AP3B1: variants seen among roughly 807,000 people sequenced by gnomAD.
AP3B1 encodes the protein adaptor related protein complex 3 subunit beta 1, also known as AP-3 complex subunit beta-1.
In AP3B1, 61 loss-of-function variants were observed where a neutral mutation model predicts 132.5. That is an observed-to-expected ratio of 0.46 (90% CI 0.37 to 0.57). AP3B1 has a LOEUF of 0.57. Among genes scored for constraint, AP3B1 ranks in the 20% least tolerant of loss-of-function variants. The pLI is 0.00. For synonymous variants in AP3B1, 388 were observed against 438.3 expected (o/e 0.89, Z 1.43); for missense variants, 1,120 against 1,289.4 (o/e 0.87, Z 2.01).
chr5:78,002,757 T>C lies in AP3B1; in HGVS notation c.*145A>G, dbSNP rs992209236. On this transcript the variant is annotated 3_prime_UTR_variant, in exon 27 of 27. Coordinates refer to ENST00000255194, the MANE Select transcript of AP3B1 (RefSeq NM_003664.5). ...CATACATGATAGATACACACTAGCA[T>C]TCTAAAGCAGGAGACAAGAATGTCA... is the stretch of plus-strand genomic sequence containing the variant. The C allele has an allele frequency of 3.1e-6, 3 of 958,540 alleles. No homozygotes were observed. Among genetic ancestry groups the C allele is most frequent in the Non-Finnish European group, 5.1e-6 (3 of 590,814 alleles). The allele number at this position is 958,540 out of a possible 1,614,324, so 59.4% of individuals were successfully genotyped here. A position where few individuals can be genotyped will look rare whatever the true frequency, so the allele number is the denominator to read the frequency against.
intron 21 of AP3B1, among the ~76,000 whole-genome samples, chr5:78,097,481 G>A (rs1406783594): frequency 2.3e-5 from 3 of 130,952 alleles, no homozygotes; most frequent in Admixed American, 1.4e-4. Flanking sequence ...CCCTCTGCCC[G>A]GCCAGCCGCC....
intron 24 of AP3B1, among the ~76,000 whole-genome samples, chr5:78,029,058 A>G (rs974887279): frequency 6.6e-6 from 1 of 152,188 alleles, no homozygotes; most frequent in Non-Finnish European, 1.5e-5. Context: ...ACAGGAAACA[A>G]GGAATTCTAT....
Position 78,248,511 on chromosome 5 carries a change from A to G in AP3B1, c.205-7575T>C, listed in dbSNP as rs572678854. On this transcript the variant is annotated intron_variant, in intron 2 of 26. Transcript: ENST00000255194. ...CTGTCTCAAAAAAAAAAAAAAAAAAAAAAAAGAAAAGAAAAATGCAGAAAC... is the reference window on the plus strand; with the variant it reads ...CTGTCTCAAAAAAAAAAAAAAAAAAGAAAAAGAAAAGAAAAATGCAGAAAC... Among the ~76,000 whole-genome samples, 221 of 151,334 alleles carry G rather than the reference A, an allele frequency of 1.5e-3. 2 individuals are homozygous for G. In the South Asian group the frequency reaches 0.015, roughly 10 times the overall value.
intron 7 of AP3B1, among the ~76,000 whole-genome samples, chr5:78,208,107 G>A (rs771805562): frequency 6.6e-6 from 1 of 152,058 alleles, no homozygotes; most frequent in Non-Finnish European, 1.5e-5. Context: ...GAGAAAGAGA[G>A]AGAGAAGAAG....
intron 2 of AP3B1, among the ~76,000 whole-genome samples, chr5:78,260,799 T>G (rs1259952172): frequency 2.6e-5 from 4 of 152,286 alleles, no homozygotes; most frequent in Non-Finnish European, 5.9e-5. Flanking sequence ...CAACCACCAT[T>G]CCACTTTTTG....
intron 21 of AP3B1, among the ~76,000 whole-genome samples, chr5:78,097,478 C>G (rs993218900): frequency 7.7e-6 from 1 of 130,528 alleles, no homozygotes; most frequent in Non-Finnish European, 1.7e-5. Context: ...AGCCCCTCTG[C>G]CCGGCCAGCC....
At chr5:78,083,493 G>A (rs928859690) in intron 22 of AP3B1, among the ~76,000 whole-genome samples, 4 of 151,948 alleles carry the variant, frequency 2.6e-5, no homozygotes, top group Non-Finnish European at 5.9e-5. Context: ...CCTGCAAGAA[G>A]CATACATTTT....
At position 78,002,884 on chromosome 5, in the gene AP3B1, A is replaced by C; in HGVS notation, c.*18T>G. ...ACTTTTGTTGTGTGCCAGATTCTAA[A>C]GTCCAGATGTAAGCAGGTTACCCCT... On this transcript the variant is annotated 3_prime_UTR_variant, in exon 27 of 27. Coordinates refer to ENST00000255194, the MANE Select transcript of AP3B1 (RefSeq NM_003664.5). 6.2e-7 allele frequency: 1 copy of C among 1,614,196 alleles called. No individual in the cohort carries two copies. Among genetic ancestry groups the C allele is most frequent in the Non-Finnish European group, 8.5e-7 (1 of 1,180,018 alleles).
chr5:78,076,643 T>C (rs1354916083), intron 22 of AP3B1, among the ~76,000 whole-genome samples: 1 of 152,168 alleles, frequency 6.6e-6, no homozygotes, highest in Non-Finnish European at 1.5e-5. Context: ...CTACTTAATA[T>C]CAGCCTGACC....
chr5:78,150,339 G>A (rs1277979599), intron 14 of AP3B1, among the ~76,000 whole-genome samples: 2 of 152,122 alleles, frequency 1.3e-5, no homozygotes, highest in African/African-American at 2.4e-5. Context: ...AGTAGTTAGC[G>A]TAGTCCAATG....
chr5:78,080,946 G>A (rs1749974449), intron 22 of AP3B1, among the ~76,000 whole-genome samples: 1 of 152,126 alleles, frequency 6.6e-6, no homozygotes, highest in Non-Finnish European at 1.5e-5. Flanking sequence ...GAGCAGACCT[G>A]ATGAAGTATC....
At position 78,228,216 on chromosome 5, in the gene AP3B1, G is replaced by A. The variant is rs115747826; in HGVS notation, c.303C>T (p.Tyr101=). The change falls in exon 4 of 27, where the codon TAC becomes TAT. Residue 101 remains tyrosine, a synonymous_variant. Coordinates refer to ENST00000255194, the MANE Select transcript of AP3B1 (RefSeq NM_003664.5). The stretch of plus-strand genomic sequence containing the variant: ...GCTGTTCTTCAGCATATCGAACCAG[G>A]TAAACATATACCAACTTCTTGATCT... The part of the protein sequence containing the change: ...NIEIKKLVYV[Y]LVRYAEEQQD... 3.2e-4 allele frequency: 514 copies of A among 1,610,692 alleles called. No homozygotes were observed. The highest frequency in any genetic ancestry group is 4.2e-4 in the Non-Finnish European group (496 of 1,178,844).
intron 1 of AP3B1, among the ~76,000 whole-genome samples, chr5:78,270,471 C>T (rs947428578): frequency 3.9e-5 from 6 of 151,960 alleles, no homozygotes; most frequent in Non-Finnish European, 8.8e-5. Context: ...GAGATACATG[C>T]CCAAAAAAGG....
intron 11 of AP3B1, among the ~76,000 whole-genome samples, chr5:78,168,377 C>A (rs1396312759): frequency 6.6e-6 from 1 of 151,930 alleles, no homozygotes; most frequent in Admixed American, 6.6e-5. Flanking sequence ...GTGCATACCA[C>A]CAAGCTCAGC....
At chr5:78,139,257 T>A (rs1753046708) in intron 15 of AP3B1, among the ~76,000 whole-genome samples, 1 of 152,168 alleles carries the variant, frequency 6.6e-6, no homozygotes, top group Admixed American at 6.5e-5. Context: ...AAGCTAGATA[T>A]ATTTAGAGTG....
intron 3 of AP3B1, among the ~76,000 whole-genome samples, chr5:78,239,538 C>G (rs1033849378): frequency 6.7e-6 from 1 of 149,570 alleles, no homozygotes; most frequent in African/African-American, 2.5e-5. Flanking sequence ...CTTTGGGAGG[C>G]TGAGGCAGGT....
chr5:78,004,658 TGAA>T (rs1375318052), intron 26 of AP3B1, among the ~76,000 whole-genome samples: 1 of 152,234 alleles, frequency 6.6e-6, no homozygotes, highest in East Asian at 1.9e-4. Context: ...ATAAACACTT[TGAA>T]GTTGTGTTTT....
intron 25 of AP3B1, 37 bp from the exon 26 acceptor site, chr5:78,015,585 C>G (rs764580909): frequency 6.2e-7 from 1 of 1,608,372 alleles, no homozygotes. Flanking sequence ...TTATTAATTT[C>G]TTTTTGAAAA....
chr5:78,146,135 C>G (rs1376226929), intron 14 of AP3B1, among the ~76,000 whole-genome samples: 1 of 152,200 alleles, frequency 6.6e-6, no homozygotes, highest in Non-Finnish European at 1.5e-5. Flanking sequence ...TTATCAGGTA[C>G]TTGGTCGGAT....
Sources: gnomAD v4.1 joint callset for allele counts (sites outside exome capture counted in the v4.1 genomes callset) on GRCh38, gnomAD v4.1.1 for gene constraint, MANE v1.5 for transcripts, NCBI Gene and HGNC (gene_info 2026-07-23, HGNC 2026-07-21) for gene names.